The following B3GNT2 variants were observed in gnomAD, a reference collection of about 807,000 sequenced individuals.
B3GNT2 encodes the protein UDP-GlcNAc:betaGal beta-1,3-N-acetylglucosaminyltransferase 2.
Under a neutral mutation model 27.6 loss-of-function variants are expected in B3GNT2, and 12 were observed. The ratio of observed to expected loss-of-function variants is 0.44; its 90% confidence interval spans 0.28 to 0.71. The LOEUF (loss-of-function observed/expected upper bound fraction) is 0.71, where lower values mean the gene tolerates loss of function less well. B3GNT2 is among the 30% of genes least tolerant of loss of function. The pLI is 0.17. For missense variants in B3GNT2, 413 were observed against 488.5 expected (o/e 0.85, Z 1.46); for synonymous variants, 192 against 189.7 (o/e 1.01, Z -0.10).
At chr2:62,216,712 C>T (rs1440635689) in intron 1 of B3GNT2, among the ~76,000 whole-genome samples, 1 of 152,174 alleles carries the variant, frequency 6.6e-6, no homozygotes, top group African/African-American at 2.4e-5. Flanking sequence ...CCCATAGCTT[C>T]CGATTAATAG....
chr2:62,203,054 G>A (rs541287030), intron 1 of B3GNT2, among the ~76,000 whole-genome samples: 26 of 152,274 alleles, frequency 1.7e-4, no homozygotes, highest in Non-Finnish European at 3.5e-4. Context: ...TCATCTAAGT[G>A]TTTATCAACC....
rs771967151 is a variant in B3GNT2 at position 62,223,108 on chromosome 2, C to T, written c.888C>T (p.Tyr296=). 1 of 1,614,238 alleles carries T rather than the reference C, an allele frequency of 6.2e-7. No homozygotes were observed. The highest frequency in any genetic ancestry group is 8.5e-7 in the Non-Finnish European group (1 of 1,180,052). Residue 296 remains tyrosine, a synonymous_variant, in exon 2 of 2, where the codon TAC becomes TAT. Transcript: ENST00000301998. ...KLKYYIPEVV[Y]SGLYPPYAGG... is the part of the protein sequence containing the mutation. ...AGTACTACATCCCAGAAGTTGTTTA[C>T]TCTGGCCTCTACCCACCCTATGCAG...
chr2:62,199,684 C>T (rs1438726577), intron 1 of B3GNT2, among the ~76,000 whole-genome samples: 1 of 152,210 alleles, frequency 6.6e-6, no homozygotes, highest in Non-Finnish European at 1.5e-5. Flanking sequence ...TTAAACTAGA[C>T]TCTGAAGTGG....
In B3GNT2 at chr2:62,213,291, G is replaced by A. The variant is rs554512526; in HGVS notation, c.-9-8921G>A. Among the ~76,000 whole-genome samples, 4 of 152,284 alleles carry A rather than the reference G, an allele frequency of 2.6e-5. 1 individual carries two copies. Among genetic ancestry groups the A allele is most frequent in the African/African-American group, 9.6e-5 (4 of 41,566 alleles). ...TAGCCTGGGCGACAGCGGAGACCCT[G>A]TCTCAAAAACAAAAAATGATTGTCC... is the stretch of plus-strand genomic sequence containing the variant. On this transcript the variant is annotated intron_variant, in intron 1 of 1. Coordinates refer to ENST00000301998, the MANE Select transcript of B3GNT2 (RefSeq NM_006577.6).
intron 1 of B3GNT2, among the ~76,000 whole-genome samples, chr2:62,215,137 C>T (rs1233526466): frequency 1.3e-5 from 2 of 152,166 alleles, no homozygotes; most frequent in Non-Finnish European, 2.9e-5. Context: ...CTGCCAGATG[C>T]TTTGATCTAT....
In B3GNT2 at chr2:62,205,045, C is replaced by T. The variant is rs866339010; in HGVS notation, c.-10+8690C>T. On this transcript the variant is annotated intron_variant, in intron 1 of 1. Coordinates refer to ENST00000301998, the MANE Select transcript of B3GNT2 (RefSeq NM_006577.6). ...GCGGAGGCTGGGGGAGAAGATTGGA[C>T]GCCCCCAGGGAGAGTGACAGGCAGA... 5.9e-5 allele frequency among the ~76,000 whole-genome samples: 9 copies of T among 152,174 alleles called. 1 individual carries two copies. Among genetic ancestry groups the T allele is most frequent in the Non-Finnish European group, 7.3e-5 (5 of 68,032 alleles).
intron 1 of B3GNT2, among the ~76,000 whole-genome samples, chr2:62,202,637 G>A (rs1674290495): frequency 1.3e-5 from 2 of 152,190 alleles, no homozygotes; most frequent in Non-Finnish European, 2.9e-5. Flanking sequence ...GCGTGAATGA[G>A]GCGAGCCTGA....
chr2:62,223,505 C>G lies in B3GNT2; in HGVS notation c.*91C>G, dbSNP rs1674764367. 1.7e-6 allele frequency: 2 copies of G among 1,196,176 alleles called. No individual in the cohort carries two copies. Among genetic ancestry groups the G allele is most frequent in the African/African-American group, 3.1e-5 (2 of 64,572 alleles). 74.1% of individuals were successfully genotyped at this position (1,196,176 alleles called of 1,614,324 possible). On this transcript the variant is annotated 3_prime_UTR_variant, in exon 2 of 2. Transcript: ENST00000301998. ...CATTAGAGTAATTTCTATATTAAAC[C>G]ATGAAAATTGCCTTTATGAGTGATA...
Position 62,222,567 on chromosome 2 carries a change from T to C in B3GNT2, c.347T>C (p.Phe116Ser). 1 of 1,614,208 alleles carries C rather than the reference T, an allele frequency of 6.2e-7. No individual in the cohort carries two copies. Among genetic ancestry groups the C allele is most frequent in the Non-Finnish European group, 8.5e-7 (1 of 1,180,034 alleles). Residue 116 changes from phenylalanine (F) to serine (S), a missense_variant, in exon 2 of 2, where the codon TTT (phenylalanine) becomes TCT (serine). Transcript: ENST00000301998. The surrounding 1 kb of genome is among the most constrained non-coding windows in gnomAD (Gnocchi z 4.2). ...VTGFNNLPDR[F>S]KDFLLYLRCR... The stretch of plus-strand genomic sequence containing the variant: ...GGTTTTAACAACTTGCCGGACAGAT[T>C]TAAAGACTTTCTGCTGTATTTGAGA...
rs1490649417 is a variant in B3GNT2 at position 62,223,182 on chromosome 2, A to G, written c.962A>G (p.His321Arg). 2 of 1,614,076 alleles carry G rather than the reference A, an allele frequency of 1.2e-6. No individual in the cohort carries two copies. Among genetic ancestry groups the G allele is most frequent in the Non-Finnish European group, 1.7e-6 (2 of 1,180,040 alleles). ...GGCCACCTGGCCCTGAGGCTGTACC[A>G]TATCACTGACCAGGTCCATCTCTAC... The part of the protein sequence containing the change: ...YSGHLALRLY[H>R]ITDQVHLYPI... Residue 321 changes from histidine to arginine, a missense_variant, in exon 2 of 2, where the codon CAT (histidine) becomes CGT (arginine). By Grantham distance (29) the His-to-Arg change is conservative (BLOSUM62 0). Coordinates refer to ENST00000301998, the MANE Select transcript of B3GNT2 (RefSeq NM_006577.6).
At chr2:62,216,491 G>T (rs917968596) in intron 1 of B3GNT2, among the ~76,000 whole-genome samples, 15 of 151,908 alleles carry the variant, frequency 9.9e-5, no homozygotes, top group Admixed American at 2.0e-4. Context: ...CTGCTGCCTG[G>T]ATCTTCTGGG....
chr2:62,205,609 G>A lies in B3GNT2; in HGVS notation c.-10+9254G>A, dbSNP rs963060248. ...AGCTGGTTTGCTTCTTTGCCGCCTT[G>A]CTCTGAAGTTGCCACCCAGGGTCAC... is the stretch of plus-strand genomic sequence containing the variant. On this transcript the variant is annotated intron_variant, in intron 1 of 1. Coordinates refer to ENST00000301998, the MANE Select transcript of B3GNT2 (RefSeq NM_006577.6). Among the ~76,000 whole-genome samples, 12 of 152,312 alleles carry A rather than the reference G, an allele frequency of 7.9e-5. No homozygotes were observed. The East Asian group carries it at 9.7e-4, about 12-fold the overall frequency.
At chr2:62,204,359 A>G (rs935042268) in intron 1 of B3GNT2, among the ~76,000 whole-genome samples, 7 of 152,224 alleles carry the variant, frequency 4.6e-5, no homozygotes, top group African/African-American at 1.7e-4. Context: ...GGTTCTCCAA[A>G]GTACTTCTTT....
intron 1 of B3GNT2, among the ~76,000 whole-genome samples, chr2:62,199,650 G>A (rs1266200884): frequency 6.6e-6 from 1 of 152,206 alleles, no homozygotes; most frequent in Non-Finnish European, 1.5e-5. Context: ...TATTTTTGGT[G>A]TGTACAGAAG....
At chr2:62,200,693 C>A (rs1287264130) in intron 1 of B3GNT2, among the ~76,000 whole-genome samples, 1 of 152,214 alleles carries the variant, frequency 6.6e-6, no homozygotes, top group African/African-American at 2.4e-5. Context: ...GCGCCCATGT[C>A]TTGTCCGTGT....
At chr2:62,208,217 T>G (rs953652661) in intron 1 of B3GNT2, among the ~76,000 whole-genome samples, 2 of 124,840 alleles carry the variant, frequency 1.6e-5, no homozygotes, top group Non-Finnish European at 3.4e-5. Context: ...CCTTCCCCCC[T>G]TCCTTTCCCC....
intron 1 of B3GNT2, chr2:62,205,773 G>A (rs1440878006): frequency 1.3e-5 from 2 of 152,704 alleles, no homozygotes; most frequent in Non-Finnish European, 2.9e-5. Flanking sequence ...TGTGTGCCGT[G>A]GGCGGGGCCT....
chr2:62,222,193 C>G lies in B3GNT2; in HGVS notation c.-9-19C>G. Reference sequence around the variant, plus strand: ...AAATTGATAAGTAATTGATACAATACTCCACCCCTTTATTCCAGATATGAG... The same window carrying G: ...AAATTGATAAGTAATTGATACAATAGTCCACCCCTTTATTCCAGATATGAG... On this transcript the variant is annotated intron_variant, in intron 1 of 1. Transcript: ENST00000301998. This position sits in a 1 kb window ranked among gnomAD's most constrained non-coding sequence, Gnocchi z 4.2. The G allele has an allele frequency of 6.4e-7, 1 of 1,550,880 alleles. No individual in the cohort carries two copies. The highest frequency in any genetic ancestry group is 1.2e-5 in the South Asian group (1 of 80,644).
At chr2:62,203,239 TGTTGTTTGGAAGAG>T (rs1417295115) in intron 1 of B3GNT2, among the ~76,000 whole-genome samples, 1 of 151,968 alleles carries the variant, frequency 6.6e-6, no homozygotes, top group Non-Finnish European at 1.5e-5. Context: ...TATGTATGTG[TGTTGTTTGGAAGAG>T]GTGGGTGAGA....
Sources: gnomAD v4.1 joint callset for allele counts (sites outside exome capture counted in the v4.1 genomes callset) on GRCh38, gnomAD v4.1.1 for gene constraint, Gnocchi (gnomAD v3.1) non-coding constraint, MANE v1.5 for transcripts, NCBI Gene and HGNC (gene_info 2026-07-23, HGNC 2026-07-21) for gene names.